The following RTP2 variants were observed in gnomAD, a reference collection of about 807,000 sequenced individuals.
RTP2 encodes receptor transporter protein 2, also known as receptor-transporting protein 2.
A neutral mutation model predicts 17.9 loss-of-function variants in RTP2; 12 were observed. The ratio of observed to expected loss-of-function variants is 0.67; its 90% CI spans 0.43 to 1.09. RTP2 has a LOEUF of 1.09. Among genes scored for constraint, RTP2 ranks in the 50% least tolerant of loss-of-function variants. The pLI, the probability that RTP2 is intolerant of heterozygous loss-of-function variation, is 0.00. For missense variants in RTP2, 327 were observed against 295.7 expected (o/e 1.11, Z -0.78); for synonymous variants, 126 against 117.7 (o/e 1.07, Z -0.46).
At chr3:187,713,728 G>C in the RTP2 span, among the ~76,000 whole-genome samples, 2 of 152,084 alleles carry the variant, frequency 1.3e-5, no homozygotes, top group African/African-American at 2.4e-5. Context: ...TTGCAGGAGG[G>C]GACCAATCAG....
chr3:187,713,956 A>G, the RTP2 span, among the ~76,000 whole-genome samples: 1 of 152,266 alleles, frequency 6.6e-6, no homozygotes, highest in South Asian at 2.1e-4. Context: ...CTTTTTGTTA[A>G]TTCAACCACT....
At chr3:187,711,044 C>T in the RTP2 span, among the ~76,000 whole-genome samples, 2 of 152,218 alleles carry the variant, frequency 1.3e-5, no homozygotes, top group Admixed American at 1.3e-4. Context: ...AGTGCTCTCA[C>T]TGATCCTAAT....
upstream of RTP2, among the ~76,000 whole-genome samples, chr3:187,703,153 A>G (rs1201461972): frequency 6.6e-6 from 1 of 152,240 alleles, no homozygotes; most frequent in East Asian, 1.9e-4. Context: ...ACCTGAAGGG[A>G]GGCTGCCTTG....
chr3:187,699,650 T>G (rs1470439328), intron 1 of RTP2, among the ~76,000 whole-genome samples: 1 of 151,848 alleles, frequency 6.6e-6, no homozygotes, highest in African/African-American at 2.4e-5. Context: ...CTCCCCAGTC[T>G]CTTGACAAGT....
chr3:187,702,441 A>G (rs1717877989), exon 1 of RTP2: 4 of 503,996 alleles, frequency 7.9e-6, no homozygotes, highest in Non-Finnish European at 1.5e-5. Context: ...CTCAGACCAC[A>G]CTCATCTGGA....
chr3:187,708,582 AT>A, the RTP2 span, among the ~76,000 whole-genome samples: 1 of 152,230 alleles, frequency 6.6e-6, no homozygotes, highest in South Asian at 2.1e-4. Flanking sequence ...CTTCAAGCTG[AT>A]TCTCGAGGCA....
chr3:187,706,740 T>A (rs954208003), upstream of RTP2, among the ~76,000 whole-genome samples: 1 of 152,148 alleles, frequency 6.6e-6, no homozygotes, highest in African/African-American at 2.4e-5. Context: ...GTAGCTGGGA[T>A]CACAGACGTG....
At chr3:187,701,500 T>C (rs1717845653) in intron 1 of RTP2, among the ~76,000 whole-genome samples, 2 of 152,186 alleles carry the variant, frequency 1.3e-5, no homozygotes, top group African/African-American at 4.8e-5. Flanking sequence ...ATAGAGCCAG[T>C]TCGTAGCACA....
the RTP2 span, among the ~76,000 whole-genome samples, chr3:187,710,899 T>C: frequency 1.5e-3 from 223 of 152,296 alleles, no homozygotes; most frequent in African/African-American, 5.2e-3. Context: ...AAACTTGTAA[T>C]AACCCTAGGT....
At chr3:187,711,946 G>T in the RTP2 span, among the ~76,000 whole-genome samples, 1 of 152,128 alleles carries the variant, frequency 6.6e-6, no homozygotes, top group Non-Finnish European at 1.5e-5. Flanking sequence ...AATTATAGAG[G>T]TGGAGAACAG....
At chr3:187,702,477 G>A in exon 1 of RTP2, 2 of 477,978 alleles carry the variant, frequency 4.2e-6, no homozygotes, top group Admixed American at 2.3e-5. Flanking sequence ...AGGAGGCAAG[G>A]ACTATTTGGT....
At chr3:187,705,584 C>T (rs1004181914), upstream of RTP2, among the ~76,000 whole-genome samples, 8 of 152,164 alleles carry the variant, frequency 5.3e-5, no homozygotes, top group African/African-American at 1.9e-4. Flanking sequence ...AAGGAAAGGA[C>T]CCATTAAAGC....
intron 1 of RTP2, among the ~76,000 whole-genome samples, chr3:187,699,284 G>T (rs1045629460): frequency 5.3e-5 from 8 of 152,098 alleles, no homozygotes; most frequent in Non-Finnish European, 1.0e-4. Flanking sequence ...GGTCTCAGCT[G>T]CCCCCCAGCC....
At chr3:187,712,995 C>T in the RTP2 span, among the ~76,000 whole-genome samples, 1 of 152,218 alleles carries the variant, frequency 6.6e-6, no homozygotes, top group Non-Finnish European at 1.5e-5. Flanking sequence ...CTCTGGGTCT[C>T]ACTGTGGCAG....
chr3:187,713,702 C>A, the RTP2 span, among the ~76,000 whole-genome samples: 1 of 151,770 alleles, frequency 6.6e-6, no homozygotes, highest in Non-Finnish European at 1.5e-5. Flanking sequence ...ACTAGGCCTA[C>A]AATCAGTCTG....
chr3:187,698,669 CT>C lies in RTP2; in HGVS notation c.506del (p.Glu169GlyfsTer8), dbSNP rs761738201. 2.5e-6 allele frequency: 4 copies of C among 1,614,104 alleles called. No individual in the cohort carries two copies. In the African/African-American group the frequency reaches 5.3e-5, roughly 22 times the overall value. ...TGGTCACCTCCTCCTCCAGCAGCTTCTCGCTGGGCTTCCAGTGAACGATGCC... is the reference window on the plus strand; with the variant it reads ...TGGTCACCTCCTCCTCCAGCAGCTTCCGCTGGGCTTCCAGTGAACGATGCC... On this transcript the variant is annotated frameshift_variant, in exon 2 of 2. Transcript: ENST00000358241. LOFTEE classifies it high-confidence loss of function.
In RTP2 at chr3:187,701,857, G is replaced by A. The variant is rs1248914502; in HGVS notation, c.164+108C>T. 8.3e-6 allele frequency: 8 copies of A among 964,180 alleles called. No homozygotes were observed. The Admixed American group carries it at 1.2e-4, about 15-fold the overall frequency. The allele number at this position is 964,180 out of a possible 1,614,324, so 59.7% of individuals were successfully genotyped here. A position where few individuals can be genotyped will look rare whatever the true frequency, so the allele number is the denominator to read the frequency against. On this transcript the variant is annotated intron_variant, in intron 1 of 1. Transcript: ENST00000358241. The stretch of plus-strand genomic sequence containing the variant: ...TGTCTTTGTCTTTTTCCCCATCTGA[G>A]CTGACACCAGAATAAGCCCGCGACT...
At chr3:187,702,006 G>A in exon 1 of RTP2, 1 of 1,611,668 alleles carries the variant, frequency 6.2e-7, no homozygotes, top group East Asian at 2.2e-5. Flanking sequence ...TCCAGCCAGG[G>A]GCCAGCTCAC....
At chr3:187,703,253 T>C (rs1717900331), upstream of RTP2, among the ~76,000 whole-genome samples, 2 of 152,194 alleles carry the variant, frequency 1.3e-5, no homozygotes, top group Admixed American at 1.3e-4. Context: ...AACCCGGAAG[T>C]CTGGATCCCT....
Sources: gnomAD v4.1 joint callset for allele counts (sites outside exome capture counted in the v4.1 genomes callset) on GRCh38, gnomAD v4.1.1 for gene constraint, MANE v1.5 for transcripts, NCBI Gene and HGNC (gene_info 2026-07-23, HGNC 2026-07-21) for gene names.